PACSIN2: variants seen among roughly 807,000 people sequenced by gnomAD.
The protein encoded by PACSIN2 is protein kinase C and casein kinase substrate in neurons 2, also known as protein kinase C and casein kinase substrate in neurons protein 2.
Under a neutral mutation model 63.8 loss-of-function variants are expected in PACSIN2, and 25 were observed. The observed-to-expected ratio is 0.39, with a 90% CI of 0.29 to 0.55. PACSIN2 has a LOEUF of 0.55. PACSIN2 is among the 20% of genes least tolerant of loss of function. The pLI is 0.62. For missense variants in PACSIN2, 518 were observed against 646.9 expected (o/e 0.80, Z 2.16); for synonymous variants, 255 against 256.2 (o/e 1.00, Z 0.05).
At chr22:42,988,438 T>A (rs1261959681) in intron 1 of PACSIN2, among the ~76,000 whole-genome samples, 5 of 152,192 alleles carry the variant, frequency 3.3e-5, no homozygotes, top group African/African-American at 7.2e-5. Flanking sequence ...TTCCCAAGAT[T>A]AGTTAATCCT....
chr22:42,877,008 G>A lies in PACSIN2; in HGVS notation c.1031C>T (p.Thr344Ile). Residue 344 changes from threonine (T) to isoleucine (I), a missense_variant and splice_region_variant, in exon 9 of 11, where the codon ACC (threonine) becomes ATC (isoleucine). By Grantham distance (89) the Thr-to-Ile change is moderately conservative (BLOSUM62 -1). Coordinates refer to ENST00000263246, the MANE Select transcript of PACSIN2 (RefSeq NM_001184970.3). ...DQSLPSKPSS[T>I]LNVPSNPAQS... is the part of the protein sequence containing the mutation. ...GGCGGGGTTGCTCGGGACATTAAGG[G>A]TGCTATGGAGAGAGAGAGCTTTCAG... The A allele has an allele frequency of 6.2e-7, 1 of 1,614,114 alleles. No individual in the cohort carries two copies. Among genetic ancestry groups the A allele is most frequent in the Non-Finnish European group, 8.5e-7 (1 of 1,179,986 alleles).
chr22:42,975,655 T>TA (rs1175260541), intron 1 of PACSIN2, among the ~76,000 whole-genome samples: 3 of 124,770 alleles, frequency 2.4e-5, no homozygotes, highest in African/African-American at 8.2e-5. Context: ...TCAATATTCT[T>TA]TAAAAAAAAA....
chr22:42,953,346 CAAAAG>C (rs1933781368), intron 1 of PACSIN2, among the ~76,000 whole-genome samples: 1 of 151,190 alleles, frequency 6.6e-6, no homozygotes, highest in African/African-American at 2.4e-5. Flanking sequence ...GCAATCAAAA[CAAAAG>C]AGAGAATAAA....
At chr22:42,953,108 T>C (rs1933770453) in intron 1 of PACSIN2, among the ~76,000 whole-genome samples, 1 of 152,042 alleles carries the variant, frequency 6.6e-6, no homozygotes, top group African/African-American at 2.4e-5. Flanking sequence ...ATGGCAAATT[T>C]GCAGGATTTA....
intron 8 of PACSIN2, 58 bp downstream of exon 8, chr22:42,878,990 T>C: frequency 6.4e-7 from 1 of 1,569,414 alleles, no homozygotes; most frequent in Non-Finnish European, 8.6e-7. Context: ...ACCATGCAGA[T>C]TGCCCAGGGC....
intron 1 of PACSIN2, among the ~76,000 whole-genome samples, chr22:42,969,203 G>T (rs935363756): frequency 1.3e-5 from 2 of 152,128 alleles, no homozygotes; most frequent in Non-Finnish European, 2.9e-5. Context: ...TTTGAAATAT[G>T]GAGATAATTA....
At chr22:42,966,362 TAAA>T (rs775584167) in intron 1 of PACSIN2, among the ~76,000 whole-genome samples, 3 of 132,060 alleles carry the variant, frequency 2.3e-5, no homozygotes, top group Non-Finnish European at 3.3e-5. Flanking sequence ...AGACTGCATC[TAAA>T]AAAAAAAAAA....
intron 1 of PACSIN2, among the ~76,000 whole-genome samples, chr22:42,961,447 TAAAAAAAA>T (rs10678680): frequency 8.2e-6 from 1 of 121,216 alleles, no homozygotes. Flanking sequence ...AATGATCAAT[TAAAAAAAA>T]AAAAAAAAAA....
chr22:42,879,053 G>C lies in PACSIN2; in HGVS notation c.1023C>G (p.Pro341=), dbSNP rs1395651868. 6.2e-7 allele frequency: 1 copy of C among 1,613,578 alleles called. No individual in the cohort carries two copies. Among genetic ancestry groups the C allele is most frequent in the Non-Finnish European group, 8.5e-7 (1 of 1,179,708 alleles). The stretch of plus-strand genomic sequence containing the variant: ...TGGAGGTGGCGCCCACTCACCTGCT[G>C]GGCTTACTCGGCAGAGACTGGTCGC... ...QTGDQSLPSK[P]SSTLNVPSNP... Residue 341 remains proline, a synonymous_variant, in exon 8 of 11, where the codon CCC becomes CCG. Transcript: ENST00000263246.
rs1030763594 is a variant in PACSIN2 at position 42,916,488 on chromosome 22, C to A, written c.-77-4331G>T. On this transcript the variant is annotated intron_variant, in intron 1 of 10. Transcript: ENST00000263246. ...CAATGACAACTCCCAAGTCCCCTCT[C>A]TCCTGCCCCTGCTCCGGGATATGAG... Among the ~76,000 whole-genome samples, 13 of 152,160 alleles carry A rather than the reference C, an allele frequency of 8.5e-5. 1 individual carries two copies. The highest frequency in any genetic ancestry group is 6.5e-5 in the Admixed American group (1 of 15,280).
intron 1 of PACSIN2, chr22:42,993,792 GCAC>G (rs1335249274): frequency 6.6e-6 from 1 of 152,212 alleles, no homozygotes; most frequent in African/African-American, 2.4e-5. Context: ...TGGAAGGGCG[GCAC>G]CAGGGACAGC....
At chr22:42,963,596 G>A (rs1297721692) in intron 1 of PACSIN2, among the ~76,000 whole-genome samples, 2 of 152,092 alleles carry the variant, frequency 1.3e-5, no homozygotes, top group Admixed American at 6.5e-5. Context: ...CGTTTACCAC[G>A]CTCATTTGAA....
intron 1 of PACSIN2, chr22:42,993,680 A>C (rs760898457): frequency 9.2e-5 from 14 of 152,248 alleles, no homozygotes; most frequent in Non-Finnish European, 1.6e-4. Context: ...ACACGATTGC[A>C]GACTGTCATC....
At chr22:42,927,580 T>TTTATTTAG (rs1555921710) in intron 1 of PACSIN2, among the ~76,000 whole-genome samples, 11 of 150,362 alleles carry the variant, frequency 7.3e-5, no homozygotes, top group African/African-American at 2.2e-4. Context: ...TATTTAGTTA[T>TTTATTTAG]TTAGTTATTT....
At chr22:42,927,886 CTCAG>C (rs1422608227) in intron 1 of PACSIN2, among the ~76,000 whole-genome samples, 1 of 152,206 alleles carries the variant, frequency 6.6e-6, no homozygotes, top group Non-Finnish European at 1.5e-5. Context: ...CGTGCCCGGC[CTCAG>C]TCATTTTTAA....
intron 10 of PACSIN2, among the ~76,000 whole-genome samples, chr22:42,873,083 T>G (rs1306153824): frequency 1.3e-5 from 2 of 152,240 alleles, no homozygotes; most frequent in African/African-American, 4.8e-5. Flanking sequence ...TGGGAGCTAA[T>G]TTTGCATTGT....
At chr22:42,922,185 T>C (rs992451246) in intron 1 of PACSIN2, among the ~76,000 whole-genome samples, 3 of 152,040 alleles carry the variant, frequency 2.0e-5, no homozygotes, top group Admixed American at 2.0e-4. Context: ...GTGTGCAGAG[T>C]CTCAGAGGTT....
intron 1 of PACSIN2, among the ~76,000 whole-genome samples, chr22:42,996,972 T>A (rs950089274): frequency 1.9e-4 from 29 of 152,296 alleles, no homozygotes; most frequent in Middle Eastern, 3.4e-3. Context: ...TTAAATTTTT[T>A]AAAAATAATT....
intron 1 of PACSIN2, chr22:42,959,613 T>C (rs1335673981): frequency 6.6e-6 from 1 of 152,228 alleles, no homozygotes; most frequent in African/African-American, 2.4e-5. Flanking sequence ...GCATTCTGCA[T>C]TGCTCAGTTA....
Sources: gnomAD v4.1 joint callset for allele counts (sites outside exome capture counted in the v4.1 genomes callset) on GRCh38, gnomAD v4.1.1 for gene constraint, MANE v1.5 for transcripts, NCBI Gene and HGNC (gene_info 2026-07-23, HGNC 2026-07-21) for gene names.